Variants in NUP155 observed in about 807,000 individuals in gnomAD.
The protein encoded by NUP155 is nucleoporin 155, also known as nuclear pore complex protein Nup155.
NUP155 carries 71 observed loss-of-function variants against 180.4 expected under a neutral mutation model. That is an observed-to-expected ratio of 0.39 (90% CI 0.33 to 0.48). The LOEUF is 0.48. Among genes scored for constraint, NUP155 ranks in the 20% least tolerant of loss-of-function variants. The probability of loss-of-function intolerance (pLI) is 0.91; values close to 1 mark genes in which losing one functional copy is unlikely to be tolerated. For missense variants in NUP155, 1,553 were observed against 1,648.9 expected, an observed-to-expected ratio of 0.94 and a Z score of 1.01; for synonymous variants, 582 against 559.5, an observed-to-expected ratio of 1.04 and a Z score of -0.57.
Position 37,327,727 on chromosome 5 carries a change from T to A in NUP155, c.1926A>T (p.Pro642=), listed in dbSNP as rs777527153. The change falls in exon 18 of 35, where the codon CCA becomes CCT. Residue 642 remains proline, a synonymous_variant. Coordinates refer to ENST00000231498, the MANE Select transcript of NUP155 (RefSeq NM_153485.3). ...MSTPVCALGN[P]ATQATNMSCV... ...AACTCATATTTGTGGCCTGAGTTGC[T>A]GGGTTTCCCAGAGCACACACTGGAG... 16 of 1,614,150 alleles carry A rather than the reference T, an allele frequency of 9.9e-6. No homozygotes were observed. In the South Asian group the frequency reaches 1.8e-4, roughly 18 times the overall value.
At chr5:37,294,242 A>C (rs1742395874) in intron 33 of NUP155, 87 bp downstream of exon 33, 1 of 941,854 alleles carries the variant, frequency 1.1e-6, no homozygotes, top group Non-Finnish European at 1.6e-6. Context: ...ATAGGATACA[A>C]AAATGCAATC....
chr5:37,304,934 C>T, intron 26 of NUP155, 91 bp from the exon 27 acceptor site: 1 of 1,511,050 alleles, frequency 6.6e-7, no homozygotes, highest in Non-Finnish European at 9.2e-7. Context: ...AGTAAGAAAT[C>T]AAGAATCCTT....
rs540329017 is a variant in NUP155, at chr5:37,307,209, A to C, written c.2903+88T>G. On this transcript the variant is annotated intron_variant, in intron 25 of 34. Coordinates refer to ENST00000231498, the MANE Select transcript of NUP155 (RefSeq NM_153485.3). ...CAAGACTCTGTCTCAAAAAAAAAAA[A>C]AAAACATAAAACAAAAAACAAAAAA... 2.8e-5 allele frequency: 39 copies of C among 1,405,066 alleles called. No individual in the cohort carries two copies. In the East Asian group the frequency reaches 5.5e-4, roughly 20 times the overall value. The allele number at this position is 1,405,066 out of a possible 1,614,324, so 87.0% of individuals were successfully genotyped here. A position where few individuals can be genotyped will look rare whatever the true frequency, so the allele number is the denominator to read the frequency against.
intron 23 of NUP155, chr5:37,309,529 G>A: frequency 2.4e-6 from 1 of 420,600 alleles, no homozygotes; most frequent in Non-Finnish European, 4.4e-6. Flanking sequence ...ACATTATTGG[G>A]CAGCAGGCAG....
chr5:37,297,103 T>A (rs186320272), intron 32 of NUP155, among the ~76,000 whole-genome samples: 188 of 151,958 alleles, frequency 1.2e-3, no homozygotes, highest in East Asian at 2.5e-3. Context: ...AAGAAAAAAA[T>A]ATATATATAT....
chr5:37,332,168 CA>C (rs11305356), intron 13 of NUP155, among the ~76,000 whole-genome samples: 23,850 of 100,070 alleles, frequency 0.24, 1,261 homozygotes, highest in Middle Eastern at 0.37. Flanking sequence ...TCAATTTAGG[CA>C]AAAAAAAAAA....
At chr5:37,337,954 G>T in intron 11 of NUP155, 36 bp from the exon 12 acceptor site, 2 of 1,176,668 alleles carry the variant, frequency 1.7e-6, no homozygotes, top group Non-Finnish European at 2.5e-6. Flanking sequence ...ATTACATCAT[G>T]TCAAATATGC....
At chr5:37,363,323 A>G (rs1747342140) in intron 3 of NUP155, among the ~76,000 whole-genome samples, 1 of 152,156 alleles carries the variant, frequency 6.6e-6, no homozygotes, top group Non-Finnish European at 1.5e-5. Context: ...CCCACACCTC[A>G]TCTAAGGATA....
At chr5:37,311,272 G>A (rs754926491) in intron 22 of NUP155, among the ~76,000 whole-genome samples, 9 of 152,100 alleles carry the variant, frequency 5.9e-5, no homozygotes, top group Non-Finnish European at 1.0e-4. Flanking sequence ...TACCCAAACT[G>A]TGTTAAAATT....
intron 12 of NUP155, among the ~76,000 whole-genome samples, chr5:37,336,613 C>A (rs988599638): frequency 3.3e-5 from 5 of 152,038 alleles, no homozygotes. Context: ...TCCTCCACTC[C>A]CCCAACACAG....
chr5:37,348,800 G>C (rs1222453521), intron 8 of NUP155, among the ~76,000 whole-genome samples: 2 of 151,860 alleles, frequency 1.3e-5, no homozygotes, highest in Non-Finnish European at 2.9e-5. Context: ...CTACTGCCCA[G>C]GCTGGAGGGC....
rs1438838472 is a variant in NUP155, at chr5:37,291,077, A to T, written c.*823T>A. 6.6e-6 allele frequency: 1 copy of T among 152,220 alleles called. No individual in the cohort carries two copies. Among genetic ancestry groups the T allele is most frequent in the Non-Finnish European group, 1.5e-5 (1 of 68,050 alleles). The allele number at this position is 152,220 out of a possible 1,614,324, so 9.4% of individuals were successfully genotyped here. The stretch of plus-strand genomic sequence containing the variant: ...CACCTGCTCAACCAGGTATATAGCT[A>T]TGTCAATTCTCAAGGGCTTTAACTG... On this transcript the variant is annotated 3_prime_UTR_variant, in exon 35 of 35. Transcript: ENST00000231498.
At chr5:37,298,731 G>A (rs887060344) in intron 32 of NUP155, 137 bp downstream of exon 32, 19 of 662,720 alleles carry the variant, frequency 2.9e-5, no homozygotes, top group Non-Finnish European at 4.3e-5. Context: ...AAGTCTTTCC[G>A]GAGAGGCAGA....
chr5:37,311,956 G>A (rs1312634843), intron 22 of NUP155, among the ~76,000 whole-genome samples: 1 of 152,182 alleles, frequency 6.6e-6, no homozygotes, highest in East Asian at 1.9e-4. Context: ...GGGAGGTGGA[G>A]GTTACAGTGA....
Position 37,342,565 on chromosome 5 carries a change from C to A in NUP155, c.1077G>T (p.Leu359Phe), listed in dbSNP as rs2150977980. The part of the protein sequence containing the change: ...ENSESLDCQL[L>F]AVTHAGVRLY... ...ACAACATACCTGCATGTGTGACAGC[C>A]AATAACTGACAGTCCAGTGATTCAG... is the stretch of plus-strand genomic sequence containing the variant. Residue 359 changes from leucine (L) to phenylalanine (F), a missense_variant, in exon 10 of 35, where the codon TTG (leucine) becomes TTT (phenylalanine). Leu to Phe is a conservative substitution (Grantham distance 22). Coordinates refer to ENST00000231498, the MANE Select transcript of NUP155 (RefSeq NM_153485.3). The A allele has an allele frequency of 1.2e-6, 2 of 1,608,342 alleles. No homozygotes were observed. The highest frequency in any genetic ancestry group is 2.2e-5 in the South Asian group (2 of 90,974).
rs1379255425 is a variant in NUP155 at position 37,310,762 on chromosome 5, T to G, written c.2437-19A>C. 1.3e-6 allele frequency: 2 copies of G among 1,582,774 alleles called. No homozygotes were observed. Among genetic ancestry groups the G allele is most frequent in the Non-Finnish European group, 1.7e-6 (2 of 1,152,888 alleles). ...GAAGTTCCTAGGAGCATAAAACTTT[T>G]CTATCACAATTATAGAAATACCATA... On this transcript the variant is annotated intron_variant, in intron 22 of 34. Coordinates refer to ENST00000231498, the MANE Select transcript of NUP155 (RefSeq NM_153485.3).
chr5:37,368,962 A>T (rs1200629927), intron 1 of NUP155, among the ~76,000 whole-genome samples: 2 of 152,216 alleles, frequency 1.3e-5, no homozygotes, highest in South Asian at 2.1e-4. Context: ...GAATGCTACG[A>T]AAGACTTCAG....
intron 9 of NUP155, among the ~76,000 whole-genome samples, chr5:37,347,703 A>G (rs1049043614): frequency 6.6e-6 from 1 of 151,240 alleles, no homozygotes; most frequent in Admixed American, 6.6e-5. Context: ...TCTCAAAAAA[A>G]AAAAAAAAAA....
Position 37,337,846 on chromosome 5 carries a change from G to A in NUP155, c.1319C>T (p.Pro440Leu), listed in dbSNP as rs1323880419. 2.5e-6 allele frequency: 4 copies of A among 1,611,610 alleles called. No homozygotes were observed. The highest frequency in any genetic ancestry group is 1.7e-6 in the Non-Finnish European group (2 of 1,178,274). Residue 440 changes from proline (P) to leucine (L), a missense_variant, in exon 12 of 35, where the codon CCT (proline) becomes CTT (leucine). Transcript: ENST00000231498. ...GGTTTCCATCATTGGCTTTTGGAAA[G>A]GAAAAGTATCATGGTTGACACACCA... ...ILWCVNHDTFPFQKPMMETQM... is the reference protein window; with the variant it reads ...ILWCVNHDTFLFQKPMMETQM...
Sources: gnomAD v4.1 joint callset for allele counts (sites outside exome capture counted in the v4.1 genomes callset) on GRCh38, gnomAD v4.1.1 for gene constraint, MANE v1.5 for transcripts, NCBI Gene and HGNC (gene_info 2026-07-23, HGNC 2026-07-21) for gene names.